Variants in MTCL1 observed in about 807,000 individuals in gnomAD.
MTCL1 encodes microtubule crosslinking factor 1.
MTCL1 carries 79 observed loss-of-function variants against 141.4 expected under a neutral mutation model. That is an observed-to-expected ratio of 0.56 (90% CI 0.47 to 0.67). MTCL1 has a LOEUF of 0.67. Among genes scored for constraint, MTCL1 ranks in the 30% least tolerant of loss-of-function variants. MTCL1 has a pLI of 0.00. For synonymous variants in MTCL1, 914 were observed against 875.8 expected (o/e 1.04, Z -0.77); for missense variants, 2,177 against 2,113.9 (o/e 1.03, Z -0.59).
exon 6 of MTCL1, chr18:8,784,505 G>A: frequency 1.3e-6 from 2 of 1,596,026 alleles, no homozygotes; most frequent in Non-Finnish European, 1.7e-6. Flanking sequence ...CCAGCGGCTA[G>A]AGCGGACGGT....
intron 4 of MTCL1, among the ~76,000 whole-genome samples, chr18:8,729,592 A>G (rs1206332770): frequency 6.6e-6 from 1 of 150,754 alleles, no homozygotes; most frequent in Admixed American, 6.6e-5. Flanking sequence ...TTTTGTAGAG[A>G]TGAGGTCTCA....
intron 9 of MTCL1, 58 bp downstream of exon 8, chr18:8,796,520 C>A: frequency 1.3e-6 from 2 of 1,513,432 alleles, no homozygotes; most frequent in Non-Finnish European, 1.8e-6. Flanking sequence ...ACCCCAGACA[C>A]TGCTTTCTCC....
intron 2 of MTCL1, 130 bp from the exon 2 acceptor site, chr18:8,718,294 G>T (rs994357420): frequency 4.7e-6 from 4 of 847,652 alleles, no homozygotes; most frequent in Non-Finnish European, 3.7e-6. Context: ...TCACCCAGGC[G>T]TGGCCATGAG....
chr18:8,710,888 C>CTTTTTTTTTTTTTTTTTTTT (rs71356255), intron 1 of MTCL1, among the ~76,000 whole-genome samples: 4 of 80,930 alleles, frequency 4.9e-5, no homozygotes, highest in South Asian at 5.2e-4. Context: ...TTTTTTTTTA[C>CTTTTTTTTTTTTTTTTTTTT]TTTTTTTTTT....
At chr18:8,778,659 G>C (rs557689625) in intron 5 of MTCL1, among the ~76,000 whole-genome samples, 81 of 152,274 alleles carry the variant, frequency 5.3e-4, no homozygotes, top group Middle Eastern at 6.8e-3. Flanking sequence ...ATCATTCAAG[G>C]GGGGGCAGGC....
intron 3 of MTCL1, among the ~76,000 whole-genome samples, chr18:8,718,852 T>C (rs2096148398): frequency 6.6e-6 from 1 of 152,128 alleles, no homozygotes; most frequent in Non-Finnish European, 1.5e-5. Context: ...TAATATGAAC[T>C]TTAAAAAAAT....
chr18:8,813,405 A>C (rs1187310511), intron 12 of MTCL1, among the ~76,000 whole-genome samples, 172 bp downstream of exon 11: 1 of 148,576 alleles, frequency 6.7e-6, no homozygotes, highest in Non-Finnish European at 1.5e-5. Flanking sequence ...ACCAAGGCTC[A>C]TGCCTCTCCA....
chr18:8,818,054 G>A (rs945612393), intron 12 of MTCL1, among the ~76,000 whole-genome samples: 18 of 152,144 alleles, frequency 1.2e-4, no homozygotes, highest in African/African-American at 3.1e-4. Flanking sequence ...CCACCTCCAC[G>A]AAATCTCCAT....
intron 4 of MTCL1, among the ~76,000 whole-genome samples, chr18:8,763,705 G>A (rs2096444858): frequency 6.6e-6 from 1 of 152,220 alleles, no homozygotes; most frequent in Admixed American, 6.5e-5. Flanking sequence ...AAAGAGGAGT[G>A]TCTGTCCTTT....
At chr18:8,747,542 C>CTG (rs1440004484) in intron 4 of MTCL1, among the ~76,000 whole-genome samples, 2 of 152,204 alleles carry the variant, frequency 1.3e-5, no homozygotes, top group Non-Finnish European at 2.9e-5. Flanking sequence ...GCTGCCTTCT[C>CTG]TGTGTGTGTG....
chr18:8,708,743 A>G (rs1487732359), intron 1 of MTCL1, among the ~76,000 whole-genome samples: 1 of 152,140 alleles, frequency 6.6e-6, no homozygotes, highest in Non-Finnish European at 1.5e-5. Context: ...CCGTCTCTCC[A>G]CTAGCCTGTG....
At chr18:8,718,427 G>A in exon 3 of MTCL1, 1 of 1,614,072 alleles carries the variant, frequency 6.2e-7, no homozygotes, top group Admixed American at 1.7e-5. Flanking sequence ...TGCATAGGAT[G>A]AGTTAGATGA....
chr18:8,740,758 C>T (rs1339849502), intron 4 of MTCL1, among the ~76,000 whole-genome samples: 2 of 152,200 alleles, frequency 1.3e-5, no homozygotes, highest in African/African-American at 4.8e-5. Flanking sequence ...GCTGGGATTA[C>T]AGGGGTGAGC....
At chr18:8,772,126 C>T (rs1359395126) in intron 4 of MTCL1, among the ~76,000 whole-genome samples, 2 of 152,242 alleles carry the variant, frequency 1.3e-5, no homozygotes, top group African/African-American at 4.8e-5. Flanking sequence ...GTGATTGTTC[C>T]TCATGACTGC....
chr18:8,758,606 A>G (rs532612751), intron 4 of MTCL1, among the ~76,000 whole-genome samples: 1 of 152,294 alleles, frequency 6.6e-6, no homozygotes, highest in South Asian at 2.1e-4. Flanking sequence ...AACTTGATAA[A>G]TCTAACATAG....
At chr18:8,720,537 TAAG>T (rs2096163472) in intron 4 of MTCL1, 41 bp downstream of exon 3, 9 of 1,587,416 alleles carry the variant, frequency 5.7e-6, no homozygotes, top group Non-Finnish European at 6.9e-6. Context: ...TTGGATTTAA[TAAG>T]GAGGAGCTTG....
chr18:8,786,280 T>G, intron 7 of MTCL1, 189 bp downstream of exon 6: 1 of 728,016 alleles, frequency 1.4e-6, no homozygotes, highest in African/African-American at 1.7e-5. Flanking sequence ...CGCAGGTGCC[T>G]GCGGTGAACT....
intron 4 of MTCL1, among the ~76,000 whole-genome samples, chr18:8,735,390 G>A (rs2096270259): frequency 6.6e-6 from 1 of 152,144 alleles, no homozygotes; most frequent in South Asian, 2.1e-4. Flanking sequence ...GAATCTGTGT[G>A]GCTCTGTCCT....
intron 4 of MTCL1, among the ~76,000 whole-genome samples, chr18:8,777,561 A>G (rs2096516258): frequency 1.3e-5 from 2 of 152,226 alleles, no homozygotes; most frequent in Admixed American, 1.3e-4. Context: ...TTTTTCATTA[A>G]ACTGAACACT....
Sources: gnomAD v4.1 joint callset for allele counts (sites outside exome capture counted in the v4.1 genomes callset) on GRCh38, gnomAD v4.1.1 for gene constraint, MANE v1.5 for transcripts, NCBI Gene and HGNC (gene_info 2026-07-23, HGNC 2026-07-21) for gene names.